Variants in OSBPL3 observed in about 807,000 individuals in gnomAD.
OSBPL3 encodes the protein oxysterol-binding protein-related protein 3.
Under a neutral mutation model 120.1 loss-of-function variants are expected in OSBPL3, and 65 were observed. The observed-to-expected ratio is 0.54, with a 90% CI of 0.44 to 0.67. OSBPL3 has a LOEUF of 0.67. OSBPL3 is among the 30% of genes least tolerant of loss of function. The probability of loss-of-function intolerance (pLI) is 0.00; values close to 1 mark genes in which losing one functional copy is unlikely to be tolerated. For missense variants in OSBPL3, 1,004 were observed against 1,082.1 expected, an observed-to-expected ratio of 0.93 and a Z score of 1.01; for synonymous variants, 416 against 402.6, an observed-to-expected ratio of 1.03 and a Z score of -0.40.
rs369439125 is a variant in OSBPL3 at position 24,890,526 on chromosome 7, C to T, written c.96+1851G>A. Among the ~76,000 whole-genome samples, 18 of 152,284 alleles carry T rather than the reference C, an allele frequency of 1.2e-4. No homozygotes were observed. In the South Asian group the frequency reaches 1.5e-3, roughly 12 times the overall value. On this transcript the variant is annotated intron_variant, in intron 2 of 22. Transcript: ENST00000313367. The stretch of plus-strand genomic sequence containing the variant: ...CCCGTGGATGGAAACACTAAGCATA[C>T]CCTGGGACAGAACACCTTTCTTCGA...
At position 24,917,306 on chromosome 7, in the gene OSBPL3, C is replaced by T. The variant is rs115925687; in HGVS notation, c.-149-24685G>A. Among the ~76,000 whole-genome samples the T allele has an allele frequency of 9.1e-3, 1,368 of 150,448 alleles. 27 individuals are homozygous for T. The highest frequency in any genetic ancestry group is 0.031 in the African/African-American group (1,276 of 40,790). ...CACTATATCAAGGATTATCAGGCAC[C>T]ATACAGACTGCGCAATACAAGTAAC... On this transcript the variant is annotated intron_variant, in intron 1 of 22. Coordinates refer to ENST00000313367, the MANE Select transcript of OSBPL3 (RefSeq NM_015550.4).
chr7:24,923,751 C>T (rs1035261003), intron 1 of OSBPL3, among the ~76,000 whole-genome samples: 22 of 152,176 alleles, frequency 1.4e-4, no homozygotes, highest in African/African-American at 4.8e-4. Context: ...GGCGGGCGGC[C>T]GGGTGGGGAG....
At chr7:24,902,641 C>T in intron 1 of OSBPL3, among the ~76,000 whole-genome samples, 1 of 151,580 alleles carries the variant, frequency 6.6e-6, no homozygotes, top group African/African-American at 2.4e-5. Context: ...GCCACACCAA[C>T]TTACACTGTA....
intron 1 of OSBPL3, among the ~76,000 whole-genome samples, chr7:24,903,867 C>G (rs973580387): frequency 2.0e-5 from 3 of 148,736 alleles, no homozygotes; most frequent in African/African-American, 7.4e-5. Context: ...CACTGGCTAC[C>G]ATGTTCTCAC....
intron 1 of OSBPL3, among the ~76,000 whole-genome samples, chr7:24,963,935 G>A (rs10269252): frequency 6.6e-6 from 1 of 151,488 alleles, no homozygotes; most frequent in African/African-American, 2.4e-5. Flanking sequence ...GTGCCGAAAA[G>A]AAAGGACATG....
In OSBPL3 at chr7:24,899,860, G is replaced by C. The variant is rs541440046; in HGVS notation, c.-149-7239C>G. ...GCTCCACTTTAGATGAGTTGAATCA[G>C]AATTTCTATCTAGAGACGGGCCTGA... is the stretch of plus-strand genomic sequence containing the variant. On this transcript the variant is annotated intron_variant, in intron 1 of 22. Transcript: ENST00000313367. The surrounding 1 kb of genome is among the most constrained non-coding windows in gnomAD (Gnocchi z 4.0). 2.0e-5 allele frequency among the ~76,000 whole-genome samples: 3 copies of C among 152,336 alleles called. No homozygotes were observed. The highest frequency in any genetic ancestry group is 7.2e-5 in the African/African-American group (3 of 41,578).
chr7:24,886,205 T>C (rs765737147), intron 2 of OSBPL3, among the ~76,000 whole-genome samples: 16 of 152,184 alleles, frequency 1.1e-4, no homozygotes, highest in Admixed American at 3.3e-4. Context: ...AGCAAAATTA[T>C]CCAAATTTCG....
Position 24,827,462 on chromosome 7 carries a change from A to G in OSBPL3, c.1884+3306T>C, listed in dbSNP as rs1193196970. On this transcript the variant is annotated intron_variant, in intron 16 of 22. Transcript: ENST00000313367. This position sits in a 1 kb window ranked among gnomAD's most constrained non-coding sequence, Gnocchi z 5.1. ...ACCCTTCCCACTTCTAGGGCAGAGG[A>G]CTGCCTGGTGTACTGAATCACATAG... 1.3e-5 allele frequency among the ~76,000 whole-genome samples: 2 copies of G among 152,226 alleles called. No individual in the cohort carries two copies. Among genetic ancestry groups the G allele is most frequent in the East Asian group, 1.9e-4 (1 of 5,196 alleles).
At chr7:24,839,443 C>A (rs1481950206) in intron 14 of OSBPL3, among the ~76,000 whole-genome samples, 1 of 152,172 alleles carries the variant, frequency 6.6e-6, no homozygotes, top group East Asian at 1.9e-4. Context: ...ATCTTTCCTG[C>A]CCATCATTTC....
intron 20 of OSBPL3, among the ~76,000 whole-genome samples, chr7:24,807,313 C>T (rs963836764): frequency 1.1e-4 from 17 of 151,682 alleles, no homozygotes; most frequent in African/African-American, 3.4e-4. Flanking sequence ...GCCAACATGG[C>T]GAAACACCAT....
At position 24,894,077 on chromosome 7, in the gene OSBPL3, C is replaced by A. The variant is rs192454496; in HGVS notation, c.-149-1456G>T. ...GAGTATCATATATTTGTCTAGGAAC[C>A]AGCTAGTTAACTATGATATCAAACC... On this transcript the variant is annotated intron_variant, in intron 1 of 22. Transcript: ENST00000313367. This position sits in a 1 kb window ranked among gnomAD's most constrained non-coding sequence, Gnocchi z 4.1. Among the ~76,000 whole-genome samples the A allele has an allele frequency of 6.6e-6, 1 of 151,960 alleles. No homozygotes were observed. Among genetic ancestry groups the A allele is most frequent in the African/African-American group, 2.4e-5 (1 of 41,348 alleles).
At chr7:24,980,599 C>A (rs1485515882), upstream of OSBPL3, among the ~76,000 whole-genome samples, 1 of 151,906 alleles carries the variant, frequency 6.6e-6, no homozygotes, top group African/African-American at 2.4e-5. Context: ...TCCAGGGGAC[C>A]CTTGCGGTCG....
At chr7:24,841,478 C>T (rs1439740749) in intron 13 of OSBPL3, among the ~76,000 whole-genome samples, 1 of 151,622 alleles carries the variant, frequency 6.6e-6, no homozygotes, top group African/African-American at 2.4e-5. Flanking sequence ...GGATGGATCA[C>T]TTGAGGCTAG....
At chr7:24,892,260 C>T (rs1258196477) in intron 2 of OSBPL3, 117 bp downstream of exon 2, 5 of 996,452 alleles carry the variant, frequency 5.0e-6, no homozygotes, top group Admixed American at 2.1e-5. Context: ...AAGAGATAAC[C>T]AAAAGTAAAT....
chr7:24,929,021 G>A (rs529903350), intron 1 of OSBPL3, among the ~76,000 whole-genome samples: 7 of 152,090 alleles, frequency 4.6e-5, no homozygotes, highest in Non-Finnish European at 7.4e-5. Flanking sequence ...GCAGTACGAC[G>A]GGCCAGAGGG....
intron 20 of OSBPL3, 88 bp downstream of exon 20, chr7:24,809,719 G>T: frequency 8.0e-7 from 1 of 1,255,194 alleles, no homozygotes; most frequent in Non-Finnish European, 1.1e-6. Flanking sequence ...ATGCTGAACA[G>T]ACACTACTCC....
At position 24,820,858 on chromosome 7, in the gene OSBPL3, G is replaced by C. The variant is rs895274794; in HGVS notation, c.1885-620C>G. Among the ~76,000 whole-genome samples the C allele has an allele frequency of 6.6e-6, 1 of 150,538 alleles. No individual in the cohort carries two copies. The highest frequency in any genetic ancestry group is 6.6e-5 in the Admixed American group (1 of 15,134). ...AAACACAATTGTTGAGGAAATGTTAGTCAACTGTTAAGAAATTTTATTTAT... is the reference window on the plus strand; with the variant it reads ...AAACACAATTGTTGAGGAAATGTTACTCAACTGTTAAGAAATTTTATTTAT... On this transcript the variant is annotated intron_variant, in intron 16 of 22. Transcript: ENST00000313367. This position sits in a 1 kb window ranked among gnomAD's most constrained non-coding sequence, Gnocchi z 4.6.
rs921066082 is a variant in OSBPL3 at position 24,979,935 on chromosome 7, C to G, written c.-199G>C. 156 of 974,954 alleles carry G rather than the reference C, an allele frequency of 1.6e-4. No homozygotes were observed. The highest frequency in any genetic ancestry group is 1.8e-4 in the Non-Finnish European group (149 of 824,808). 60.4% of individuals were successfully genotyped at this position (974,954 alleles called of 1,614,324 possible). On this transcript the variant is annotated 5_prime_UTR_variant, in exon 1 of 23. Transcript: ENST00000313367. ...CTCCCTAGTTCCCCGGGGCCGGGCT[C>G]CGGGGTTAGCGCACAGAACCGGGAG... is the stretch of plus-strand genomic sequence containing the variant.
In OSBPL3 at chr7:24,834,333, G is replaced by A. The variant is rs751962507; in HGVS notation, c.1746+153C>T. 2.0e-6 allele frequency: 3 copies of A among 1,474,154 alleles called. No individual in the cohort carries two copies. The highest frequency in any genetic ancestry group is 2.7e-6 in the Non-Finnish European group (3 of 1,111,528). The allele number at this position is 1,474,154 out of a possible 1,614,324, so 91.3% of individuals were successfully genotyped here. On this transcript the variant is annotated intron_variant, in intron 15 of 22. Transcript: ENST00000313367. This position sits in a 1 kb window ranked among gnomAD's most constrained non-coding sequence, Gnocchi z 5.2. ...AGGTGACTGGAAACAGCCAGGCGGA[G>A]GAAGCCAGACAGCTCTGAGTAATGA...
Sources: allele counts gnomAD v4.1 joint callset (sites outside exome capture counted in the v4.1 genomes callset), GRCh38; gene constraint gnomAD v4.1.1; non-coding constraint Gnocchi (gnomAD v3.1); transcripts MANE v1.5; gene names NCBI Gene and HGNC (gene_info 2026-07-23, HGNC 2026-07-21).